The following HCRTR2 variants were observed in gnomAD, a reference collection of about 807,000 sequenced individuals.
HCRTR2 encodes hypocretin receptor 2.
In HCRTR2, 22 loss-of-function variants were observed where a neutral mutation model predicts 49.0. The ratio of observed to expected loss-of-function variants is 0.45; its 90% CI spans 0.32 to 0.64. HCRTR2 has a LOEUF of 0.64. Ranked by LOEUF, HCRTR2 falls within the 30% of genes least tolerant of loss-of-function variation. HCRTR2 has a pLI of 0.04. For synonymous variants in HCRTR2, 236 were observed against 205.3 expected (o/e 1.15, Z -1.28); for missense variants, 491 against 559.4 (o/e 0.88, Z 1.23).
At chr6:55,195,119 G>A (rs1281368473) in intron 1 of HCRTR2, among the ~76,000 whole-genome samples, 1 of 152,036 alleles carries the variant, frequency 6.6e-6, no homozygotes, top group Non-Finnish European at 1.5e-5. Flanking sequence ...AGAAAAAAAT[G>A]AATGAAGAGG....
intron 1 of HCRTR2, among the ~76,000 whole-genome samples, chr6:55,218,314 T>C (rs886370302): frequency 1.3e-5 from 2 of 151,974 alleles, no homozygotes; most frequent in Admixed American, 1.3e-4. Context: ...AAAAAATTAA[T>C]GAAACACAAA....
chr6:55,114,738 T>G (rs1220651970), intron 1 of HCRTR2, among the ~76,000 whole-genome samples: 1 of 151,748 alleles, frequency 6.6e-6, no homozygotes, highest in Non-Finnish European at 1.5e-5. Context: ...CACTCCATAT[T>G]CCAATAAATT....
intron 4 of HCRTR2, among the ~76,000 whole-genome samples, chr6:55,275,278 G>GT (rs1163241057): frequency 3.3e-5 from 5 of 152,108 alleles, no homozygotes; most frequent in African/African-American, 1.2e-4. Flanking sequence ...TAAAAGTGGG[G>GT]TGCATGTATT....
At chr6:55,252,502 G>A (rs9357855) in intron 2 of HCRTR2, among the ~76,000 whole-genome samples, 26,338 of 152,032 alleles carry the variant, frequency 0.17, 2,788 homozygotes, top group Non-Finnish European at 0.24. Flanking sequence ...GCGACTGTGC[G>A]AATCTATACA....
chr6:55,134,561 A>G (rs1581789130), intron 1 of HCRTR2, among the ~76,000 whole-genome samples: 1 of 151,902 alleles, frequency 6.6e-6, no homozygotes, highest in South Asian at 2.1e-4. Context: ...GCTATATATT[A>G]GATCCCCAGA....
At chr6:55,197,166 C>A (rs2127281835) in intron 1 of HCRTR2, among the ~76,000 whole-genome samples, 1 of 152,166 alleles carries the variant, frequency 6.6e-6, no homozygotes, top group South Asian at 2.1e-4. Context: ...ATCTCTATAC[C>A]CAACTGTTAA....
chr6:55,163,480 C>T (rs1390355233), intron 1 of HCRTR2, among the ~76,000 whole-genome samples: 1 of 152,104 alleles, frequency 6.6e-6, no homozygotes, highest in South Asian at 2.1e-4. Flanking sequence ...CAGACATCTA[C>T]AACTCTCTGA....
chr6:55,193,110 C>G (rs997432128), intron 1 of HCRTR2, among the ~76,000 whole-genome samples: 1 of 152,120 alleles, frequency 6.6e-6, no homozygotes, highest in African/African-American at 2.4e-5. Context: ...CTCATTCATT[C>G]CTTCATCAAA....
intron 1 of HCRTR2, among the ~76,000 whole-genome samples, chr6:55,193,489 A>AAACAAC (rs911656020): frequency 6.6e-6 from 1 of 151,814 alleles, no homozygotes; most frequent in Non-Finnish European, 1.5e-5. Context: ...AACGACAAAG[A>AAACAAC]AACAACAACA....
At chr6:55,260,888 T>C (rs949496896) in intron 3 of HCRTR2, among the ~76,000 whole-genome samples, 4 of 152,194 alleles carry the variant, frequency 2.6e-5, no homozygotes, top group African/African-American at 9.7e-5. Flanking sequence ...ACAAATCTGA[T>C]CACATAACCA....
chr6:55,160,333 G>A (rs1441541231), intron 1 of HCRTR2, among the ~76,000 whole-genome samples: 3 of 152,108 alleles, frequency 2.0e-5, no homozygotes, highest in Non-Finnish European at 2.9e-5. Context: ...GCTCCCGAAG[G>A]AAGCACTAAA....
At position 55,255,450 on chromosome 6, in the gene HCRTR2, C is replaced by T. The variant is rs561159729; in HGVS notation, c.646+71C>T. Reference sequence around the variant, plus strand: ...AAATTGAAAATTGGATTAGCATAGCCATTGTAAAGCTGGGCTTATATATTT... The same window carrying T: ...AAATTGAAAATTGGATTAGCATAGCTATTGTAAAGCTGGGCTTATATATTT... On this transcript the variant is annotated intron_variant, in intron 3 of 6. Coordinates refer to ENST00000370862, the MANE Select transcript of HCRTR2 (RefSeq NM_001384272.1). 191 of 1,525,944 alleles carry T rather than the reference C, an allele frequency of 1.3e-4. 1 individual carries two copies. In the African/African-American group the frequency reaches 2.3e-3, roughly 18 times the overall value. The allele number at this position is 1,525,944 out of a possible 1,614,324, so 94.5% of individuals were successfully genotyped here.
intron 1 of HCRTR2, among the ~76,000 whole-genome samples, chr6:55,140,345 A>G (rs1439661983): frequency 6.6e-6 from 1 of 152,140 alleles, no homozygotes; most frequent in Admixed American, 6.5e-5. Context: ...GTTTTAGTCT[A>G]TTAGGGTCCT....
At chr6:55,149,703 T>C (rs774982562) in intron 1 of HCRTR2, among the ~76,000 whole-genome samples, 1 of 152,026 alleles carries the variant, frequency 6.6e-6, no homozygotes, top group Non-Finnish European at 1.5e-5. Context: ...ATTTTAATGA[T>C]AAAAATAAAT....
intron 1 of HCRTR2, among the ~76,000 whole-genome samples, chr6:55,206,580 G>C (rs914693860): frequency 1.3e-5 from 2 of 151,812 alleles, no homozygotes; most frequent in African/African-American, 4.8e-5. Context: ...GCGAAAAATA[G>C]CATCTACCTA....
upstream of HCRTR2, chr6:55,174,499 C>T: frequency 1.8e-6 from 2 of 1,112,890 alleles, no homozygotes; most frequent in Non-Finnish European, 2.8e-6. Context: ...AGCCTCTCCG[C>T]GCAGCCTTTC....
chr6:55,269,399 C>T (rs867601441), intron 4 of HCRTR2, among the ~76,000 whole-genome samples: 5 of 151,840 alleles, frequency 3.3e-5, no homozygotes, highest in Non-Finnish European at 5.9e-5. Flanking sequence ...ATGACGATCA[C>T]AAAATAAGAG....
At chr6:55,115,825 A>G (rs1764108467) in intron 1 of HCRTR2, among the ~76,000 whole-genome samples, 1 of 134,228 alleles carries the variant, frequency 7.5e-6, no homozygotes, top group South Asian at 2.5e-4. Context: ...CATTCAAACT[A>G]TTACTCTAAG....
intron 1 of HCRTR2, among the ~76,000 whole-genome samples, chr6:55,192,402 C>CGT (rs1562001857): frequency 2.9e-5 from 3 of 103,032 alleles, no homozygotes; most frequent in Admixed American, 8.8e-5. Flanking sequence ...CACACACACA[C>CGT]GCGCGCGCGC....
Sources: allele counts gnomAD v4.1 joint callset (sites outside exome capture counted in the v4.1 genomes callset), GRCh38; gene constraint gnomAD v4.1.1; transcripts MANE v1.5; gene names NCBI Gene and HGNC (gene_info 2026-07-23, HGNC 2026-07-21).